Variants in FKBP9 observed in about 807,000 individuals in gnomAD.
FKBP9 encodes FKBP prolyl isomerase 9.
A neutral mutation model predicts 55.6 loss-of-function variants in FKBP9; 27 were observed. The ratio of observed to expected loss-of-function variants is 0.49; its 90% confidence interval spans 0.36 to 0.67. The LOEUF is 0.67. Ranked by LOEUF, FKBP9 falls within the 30% of genes least tolerant of loss-of-function variation. The pLI, the probability that FKBP9 is intolerant of heterozygous loss-of-function variation, is 0.00. For synonymous variants in FKBP9, 267 were observed against 296.5 expected (o/e 0.90, Z 1.02); for missense variants, 539 against 742.8 (o/e 0.73, Z 3.19).
intron 9 of FKBP9, 130 bp from the exon 10 acceptor site, chr7:33,005,045 G>C (rs1390980170): frequency 7.0e-7 from 1 of 1,434,522 alleles, no homozygotes; most frequent in East Asian, 2.4e-5. Context: ...CTGCCAAAAA[G>C]ATCTTGTCTG....
chr7:33,003,063 G>A (rs972760448), intron 9 of FKBP9: 67 of 519,042 alleles, frequency 1.3e-4, no homozygotes, highest in African/African-American at 1.0e-3. Flanking sequence ...GAGGTGTAGG[G>A]CATGATTCCA....
intron 1 of FKBP9, chr7:32,963,847 C>G (rs971147453): frequency 9.9e-7 from 1 of 1,012,098 alleles, no homozygotes; most frequent in African/African-American, 1.7e-5. Flanking sequence ...TTTCTCACTT[C>G]TAGGTTTCCA....
chr7:32,977,239 C>T (rs1784378510), intron 4 of FKBP9, among the ~76,000 whole-genome samples: 2 of 152,308 alleles, frequency 1.3e-5, no homozygotes, highest in Admixed American at 1.3e-4. Flanking sequence ...CATGCTGGCA[C>T]AACATAGAGA....
At chr7:32,965,812 A>AAAAAT (rs1554284289) in intron 1 of FKBP9, among the ~76,000 whole-genome samples, 2 of 34,942 alleles carry the variant, frequency 5.7e-5, no homozygotes, top group African/African-American at 1.2e-4. Context: ...AAAAAAAAAA[A>AAAAAT]ATATATATAT....
intron 5 of FKBP9, among the ~76,000 whole-genome samples, chr7:32,986,087 CTTGTCTTT>C (rs1397294168): frequency 6.1e-4 from 93 of 152,298 alleles, no homozygotes; most frequent in Non-Finnish European, 1.1e-3. Flanking sequence ...TTTGCATTTA[CTTGTCTTT>C]AACTTTTATT....
At chr7:33,001,635 A>C (rs1784937822) in intron 8 of FKBP9, among the ~76,000 whole-genome samples, 1 of 151,872 alleles carries the variant, frequency 6.6e-6, no homozygotes, top group Non-Finnish European at 1.5e-5. Flanking sequence ...AATCTAGATA[A>C]AATATAATAA....
chr7:32,957,799 C>A lies in FKBP9; in HGVS notation c.221+5C>A. 2.1e-6 allele frequency: 3 copies of A among 1,437,914 alleles called. No homozygotes were observed. Among genetic ancestry groups the A allele is most frequent in the Non-Finnish European group, 1.8e-6 (2 of 1,098,576 alleles). 89.1% of individuals were successfully genotyped at this position (1,437,914 alleles called of 1,614,324 possible). The stretch of plus-strand genomic sequence containing the variant: ...CGGCCAGAAGTTCGACTCCAGGTAC[C>A]GCGCCCTTGGCGCCCGGCGCGGCCT... On this transcript the variant is annotated splice_donor_5th_base_variant and intron_variant, in intron 1 of 9. Transcript: ENST00000242209.
chr7:32,982,702 G>A (rs1784503318), intron 5 of FKBP9, among the ~76,000 whole-genome samples: 2 of 152,006 alleles, frequency 1.3e-5, no homozygotes, highest in South Asian at 4.1e-4. Flanking sequence ...CCACTTTTCT[G>A]TGTACACCAG....
intron 2 of FKBP9, 127 bp from the exon 3 acceptor site, chr7:32,975,055 G>A: frequency 1.3e-6 from 1 of 743,166 alleles, no homozygotes; most frequent in Non-Finnish European, 2.2e-6. Flanking sequence ...GGGTCATTTT[G>A]GGATTGTATA....
chr7:32,989,269 A>G (rs1038354064), intron 6 of FKBP9, among the ~76,000 whole-genome samples: 1 of 152,176 alleles, frequency 6.6e-6, no homozygotes, highest in African/African-American at 2.4e-5. Context: ...CACCATCACT[A>G]TAATCCTGTT....
intron 1 of FKBP9, among the ~76,000 whole-genome samples, chr7:32,973,691 T>TTTTG (rs1554285045): frequency 3.1e-4 from 26 of 83,954 alleles, no homozygotes; most frequent in Non-Finnish European, 5.2e-4. Flanking sequence ...TGTTTTTTTT[T>TTTTG]TTTTTTTTTT....
Position 32,993,893 on chromosome 7 carries a change from A to G in FKBP9, c.1040-2270A>G, listed in dbSNP as rs185594965. Among the ~76,000 whole-genome samples, 145 of 152,080 alleles carry G rather than the reference A, an allele frequency of 9.5e-4. 4 individuals are homozygous for G. In the East Asian group the frequency reaches 0.015, roughly 15 times the overall value. On this transcript the variant is annotated intron_variant, in intron 6 of 9. Transcript: ENST00000242209. ...GCTGAATGAATATTCCATTGGATGT[A>G]TATACTACATTTTGTTGATCAGTTC...
intron 7 of FKBP9, among the ~76,000 whole-genome samples, chr7:32,997,743 T>G (rs375447102): frequency 0.034 from 5,124 of 152,120 alleles, 145 homozygotes; most frequent in South Asian, 0.08. Context: ...CAGGAGAATC[T>G]CTTGAATCTG....
At chr7:33,004,391 G>A (rs1408255074) in intron 9 of FKBP9, among the ~76,000 whole-genome samples, 1 of 152,032 alleles carries the variant, frequency 6.6e-6, no homozygotes, top group African/African-American at 2.4e-5. Context: ...GTCTCCCTCT[G>A]CCCACTTTAC....
In FKBP9 at chr7:32,973,044, A is replaced by G. The variant is rs190450136; in HGVS notation, c.222-1573A>G. Among the ~76,000 whole-genome samples, 3 of 152,230 alleles carry G rather than the reference A, an allele frequency of 2.0e-5. No individual in the cohort carries two copies. The East Asian group carries it at 5.8e-4, about 29-fold the overall frequency. On this transcript the variant is annotated intron_variant, in intron 1 of 9. Coordinates refer to ENST00000242209, the MANE Select transcript of FKBP9 (RefSeq NM_007270.5). ...GCATTGTAACCTGCCCTTTACTCTT[A>G]TTGTATATATCCCTCCGCGTCAGTG...
At chr7:32,982,241 G>A (rs1784492113) in intron 5 of FKBP9, among the ~76,000 whole-genome samples, 1 of 152,024 alleles carries the variant, frequency 6.6e-6, no homozygotes, top group Non-Finnish European at 1.5e-5. Context: ...GGCTGGTCTC[G>A]AACTCCTGAC....
rs66517762 is a variant in FKBP9, at chr7:33,006,092, T to TG, written c.*741_*742insG. On this transcript the variant is annotated 3_prime_UTR_variant, in exon 10 of 10. Coordinates refer to ENST00000242209, the MANE Select transcript of FKBP9 (RefSeq NM_007270.5). ...GTCATCTGCTTAGCTTTTCCTTTCC[T>TG]TTTTTTTTTTTTTTTTTTTTCTGGA... 3.5e-5 allele frequency: 1 copy of TG among 28,906 alleles called. No individual in the cohort carries two copies. Among genetic ancestry groups the TG allele is most frequent in the African/African-American group, 2.1e-4 (1 of 4,850 alleles). 1.8% of individuals were successfully genotyped at this position (28,906 alleles called of 1,614,324 possible). A position where few individuals can be genotyped will look rare whatever the true frequency, so the allele number is the denominator to read the frequency against.
In FKBP9 at chr7:32,975,240, G is replaced by A. The variant is rs1466484756; in HGVS notation, c.426G>A (p.Trp142Ter). 26 of 1,613,750 alleles carry A rather than the reference G, an allele frequency of 1.6e-5. No individual in the cohort carries two copies. The highest frequency in any genetic ancestry group is 2.2e-5 in the Non-Finnish European group (26 of 1,179,682). Residue 142 changes from tryptophan to a stop codon, truncating the protein, a stop_gained, in exon 3 of 10, where the codon TGG becomes TGA. Coordinates refer to ENST00000242209, the MANE Select transcript of FKBP9 (RefSeq NM_007270.5). LOFTEE classifies it high-confidence loss of function. ...TTGATGTACTTCTGATGGATATTTG[G>A]AATTCTGAAGACCAGGTTCAGATTC... ...LHFDVLLMDIWNSEDQVQIHT... is the reference protein window; with the variant it reads ...LHFDVLLMDI
chr7:32,979,993 C>T (rs903837125), intron 4 of FKBP9, among the ~76,000 whole-genome samples: 5 of 152,008 alleles, frequency 3.3e-5, no homozygotes, highest in African/African-American at 7.2e-5. Context: ...TTGGAATTTT[C>T]TCCTTTAAAT....
Sources: gnomAD v4.1 joint callset for allele counts (sites outside exome capture counted in the v4.1 genomes callset) on GRCh38, gnomAD v4.1.1 for gene constraint, MANE v1.5 for transcripts, NCBI Gene and HGNC (gene_info 2026-07-23, HGNC 2026-07-21) for gene names.